Variants in NRXN1 observed in about 807,000 individuals in gnomAD.
The protein encoded by NRXN1 is neurexin-1.
A neutral mutation model predicts 150.9 loss-of-function variants in NRXN1; 39 were observed. That is an observed-to-expected ratio of 0.26 (90% CI 0.20 to 0.34). The LOEUF (loss-of-function observed/expected upper bound fraction) is 0.34, where lower values mean the gene tolerates loss of function less well. Among genes scored for constraint, NRXN1 ranks in the 10% least tolerant of loss-of-function variants. The pLI is 1.00. For missense variants in NRXN1, 1,815 were observed against 1,949.9 expected, an observed-to-expected ratio of 0.93 and a Z score of 1.30; for synonymous variants, 924 against 757.0, an observed-to-expected ratio of 1.22 and a Z score of -3.62.
At chr2:50,073,474 T>A (rs1172668735) in intron 19 of NRXN1, among the ~76,000 whole-genome samples, 2 of 152,180 alleles carry the variant, frequency 1.3e-5, no homozygotes, top group Non-Finnish European at 2.9e-5. Flanking sequence ...CTAGAATACT[T>A]ATCAGGCCTC....
intron 8 of NRXN1, among the ~76,000 whole-genome samples, chr2:50,569,873 C>T (rs1172351039): frequency 6.6e-6 from 1 of 152,042 alleles, no homozygotes; most frequent in African/African-American, 2.4e-5. Flanking sequence ...TTTAGCTCTC[C>T]ACATTAAGTA....
intron 18 of NRXN1, among the ~76,000 whole-genome samples, chr2:50,108,845 A>G (rs1402395934): frequency 2.0e-5 from 3 of 152,134 alleles, no homozygotes; most frequent in Non-Finnish European, 4.4e-5. Context: ...GGAAATAAAA[A>G]TAACAGTTTA....
intron 17 of NRXN1, among the ~76,000 whole-genome samples, chr2:50,271,138 C>G (rs904496086): frequency 6.6e-6 from 1 of 152,010 alleles, no homozygotes; most frequent in Non-Finnish European, 1.5e-5. Context: ...CACTACTGGA[C>G]AATATTGATA....
chr2:50,791,137 T>A (rs73933056), intron 5 of NRXN1, among the ~76,000 whole-genome samples: 16,536 of 148,226 alleles, frequency 0.11, 1,017 homozygotes, highest in South Asian at 0.22. Context: ...TTTTTTTTTT[T>A]AAAAAAAAAG....
chr2:50,180,396 G>C (rs936977662), intron 18 of NRXN1, among the ~76,000 whole-genome samples: 2 of 152,074 alleles, frequency 1.3e-5, no homozygotes, highest in African/African-American at 4.8e-5. Context: ...CACCTTGCTA[G>C]TGTTCCAGCA....
At chr2:50,971,348 G>A (rs750040290) in intron 2 of NRXN1, among the ~76,000 whole-genome samples, 1 of 152,090 alleles carries the variant, frequency 6.6e-6, no homozygotes. Context: ...ACTTTGGGAG[G>A]CCACAGTGGG....
At chr2:50,065,994 C>T (rs1238304553) in intron 19 of NRXN1, among the ~76,000 whole-genome samples, 3 of 152,164 alleles carry the variant, frequency 2.0e-5, no homozygotes, top group African/African-American at 7.2e-5. Flanking sequence ...TTTCCTTTTA[C>T]ACAGCTCCAG....
intron 18 of NRXN1, among the ~76,000 whole-genome samples, chr2:50,195,005 C>T (rs2061670429): frequency 6.6e-6 from 1 of 152,008 alleles, no homozygotes; most frequent in South Asian, 2.1e-4. Flanking sequence ...TTAATACGGC[C>T]CTGTAGATGA....
At chr2:50,049,513 T>C (rs916345360) in intron 21 of NRXN1, among the ~76,000 whole-genome samples, 1 of 152,180 alleles carries the variant, frequency 6.6e-6, no homozygotes, top group African/African-American at 2.4e-5. Flanking sequence ...CTCTTTCCAT[T>C]ATACTACAAT....
At chr2:50,208,232 G>C (rs2062755963) in intron 18 of NRXN1, among the ~76,000 whole-genome samples, 1 of 152,002 alleles carries the variant, frequency 6.6e-6, no homozygotes, top group Non-Finnish European at 1.5e-5. Context: ...CTCATCCAGT[G>C]GGCAGACCTC....
chr2:50,037,753 G>A (rs576592963), intron 21 of NRXN1, among the ~76,000 whole-genome samples: 1 of 152,204 alleles, frequency 6.6e-6, no homozygotes, highest in African/African-American at 2.4e-5. Context: ...TGTCAAACTG[G>A]GAAGATTAAA....
chr2:50,437,708 T>TTGTGTG (rs10531409), intron 17 of NRXN1, among the ~76,000 whole-genome samples: 19 of 149,734 alleles, frequency 1.3e-4, no homozygotes, highest in African/African-American at 3.4e-4. Flanking sequence ...CTGGATGCAT[T>TTGTGTG]TGTGTGTGTG....
chr2:50,887,661 G>T (rs1680458160), intron 5 of NRXN1, among the ~76,000 whole-genome samples: 1 of 151,260 alleles, frequency 6.6e-6, no homozygotes, highest in Non-Finnish European at 1.5e-5. Context: ...ACATCCTTGA[G>T]CTTGCCATTT....
In NRXN1 at chr2:50,796,042, T is replaced by C. The variant is rs76444426; in HGVS notation, c.832+125827A>G. On this transcript the variant is annotated intron_variant, in intron 5 of 22. Coordinates refer to ENST00000401669, the MANE Select transcript of NRXN1 (RefSeq NM_001330078.2). ...AAGTCTGGGGGAAACTGGCTCCAAA[T>C]CACAATGCTGCTTTAGTTTCCTCAG... Among the ~76,000 whole-genome samples, 1,014 of 152,202 alleles carry C rather than the reference T, an allele frequency of 6.7e-3. 6 individuals are homozygous for C. Among genetic ancestry groups the C allele is most frequent in the African/African-American group, 0.023 (960 of 41,528 alleles).
intron 5 of NRXN1, among the ~76,000 whole-genome samples, chr2:50,766,100 C>G (rs1702355878): frequency 6.6e-6 from 1 of 151,962 alleles, no homozygotes; most frequent in Non-Finnish European, 1.5e-5. Flanking sequence ...AAAGAAGATT[C>G]TTAAGAGTTA....
intron 2 of NRXN1, among the ~76,000 whole-genome samples, chr2:51,013,411 T>C (rs138603672): frequency 2.0e-5 from 3 of 151,818 alleles, no homozygotes; most frequent in East Asian, 3.9e-4. Context: ...TTTATGCAAA[T>C]GTATCTGTGA....
At chr2:50,248,962 CAT>C (rs2066771520) in intron 17 of NRXN1, among the ~76,000 whole-genome samples, 2 of 149,770 alleles carry the variant, frequency 1.3e-5, no homozygotes, top group Admixed American at 1.3e-4. Flanking sequence ...GCCTGGGCAA[CAT>C]AGCAAGATCC....
chr2:50,383,486 C>T (rs2081113496), intron 17 of NRXN1, among the ~76,000 whole-genome samples: 1 of 152,052 alleles, frequency 6.6e-6, no homozygotes, highest in African/African-American at 2.4e-5. Flanking sequence ...TTAGTTAATA[C>T]ACAATAATTG....
chr2:50,197,064 G>C (rs1215303543), intron 18 of NRXN1, among the ~76,000 whole-genome samples: 1 of 152,050 alleles, frequency 6.6e-6, no homozygotes, highest in African/African-American at 2.4e-5. Flanking sequence ...TAAAATAAAA[G>C]TTTAAAAATA....
Sources: allele counts gnomAD v4.1 joint callset (sites outside exome capture counted in the v4.1 genomes callset), GRCh38; gene constraint gnomAD v4.1.1; transcripts MANE v1.5; gene names NCBI Gene and HGNC (gene_info 2026-07-23, HGNC 2026-07-21).